Variants in SLC46A2 observed in about 807,000 individuals in gnomAD.
The protein encoded by SLC46A2 is thymic stromal co-transporter.
SLC46A2 carries 25 observed loss-of-function variants against 33.1 expected under a neutral mutation model. The observed-to-expected ratio is 0.76, with a 90% CI of 0.55 to 1.06. The LOEUF (loss-of-function observed/expected upper bound fraction) is 1.06, where lower values mean the gene tolerates loss of function less well. SLC46A2 is among the 50% of genes least tolerant of loss of function. The pLI, the probability that SLC46A2 is intolerant of heterozygous loss-of-function variation, is 0.00. For synonymous variants in SLC46A2, 254 were observed against 275.9 expected, an observed-to-expected ratio of 0.92 and a Z score of 0.79; for missense variants, 622 against 621.7, an observed-to-expected ratio of 1.00 and a Z score of 0.00.
intron 1 of SLC46A2, among the ~76,000 whole-genome samples, chr9:112,888,959 C>T (rs1841685128): frequency 6.6e-6 from 1 of 151,098 alleles, no homozygotes; most frequent in African/African-American, 2.4e-5. Context: ...GGCACAATCT[C>T]GGCTCACTAC....
intron 3 of SLC46A2, among the ~76,000 whole-genome samples, chr9:112,883,734 G>A (rs1438598830): frequency 1.5e-5 from 2 of 135,676 alleles, no homozygotes; most frequent in Non-Finnish European, 3.1e-5. Context: ...GTCTAGCTCT[G>A]TCACCCAGGC....
At chr9:112,883,341 T>TA (rs2131541420) in intron 3 of SLC46A2, among the ~76,000 whole-genome samples, 1 of 152,238 alleles carries the variant, frequency 6.6e-6, no homozygotes, top group Admixed American at 6.5e-5. Context: ...CGCACCCAGA[T>TA]ACCAGGTGCA....
At chr9:112,881,226 C>T (rs1841573159) in intron 3 of SLC46A2, among the ~76,000 whole-genome samples, 1 of 152,206 alleles carries the variant, frequency 6.6e-6, no homozygotes, top group Admixed American at 6.5e-5. Flanking sequence ...GCTCCAGAAT[C>T]CTCAGGTTCT....
Position 112,879,168 on chromosome 9 carries a change from A to T in SLC46A2, c.*594T>A, listed in dbSNP as rs1841548530. The stretch of plus-strand genomic sequence containing the variant: ...CCCAGAAGACAAGGGCCTGAGCTCC[A>T]TCCCCCTCCTGAGTGTTTGTAGGTA... On this transcript the variant is annotated 3_prime_UTR_variant, in exon 4 of 4. Coordinates refer to ENST00000374228, the MANE Select transcript of SLC46A2 (RefSeq NM_033051.4). 6.6e-6 allele frequency: 1 copy of T among 152,260 alleles called. No homozygotes were observed. Among genetic ancestry groups the T allele is most frequent in the African/African-American group, 2.4e-5 (1 of 41,468 alleles). 9.4% of individuals were successfully genotyped at this position (152,260 alleles called of 1,614,324 possible).
chr9:112,879,606 C>G lies in SLC46A2; in HGVS notation c.*156G>C. The G allele has an allele frequency of 1.6e-6, 1 of 622,956 alleles. No homozygotes were observed. Among genetic ancestry groups the G allele is most frequent in the East Asian group, 2.7e-5 (1 of 37,226 alleles). 38.6% of individuals were successfully genotyped at this position (622,956 alleles called of 1,614,324 possible). On this transcript the variant is annotated 3_prime_UTR_variant, in exon 4 of 4. Coordinates refer to ENST00000374228, the MANE Select transcript of SLC46A2 (RefSeq NM_033051.4). ...GTGCTTTTCCCCATCCACCAGGGAT[C>G]CCTGAGCCAGAGCAGGTCATTCTGA...
rs759609861 is a variant in SLC46A2, at chr9:112,890,619, C to G, written c.63G>C (p.Trp21Cys). 6.2e-7 allele frequency: 1 copy of G among 1,605,854 alleles called. No individual in the cohort carries two copies. Among genetic ancestry groups the G allele is most frequent in the South Asian group, 1.1e-5 (1 of 91,044 alleles). The change falls in exon 1 of 4, where the codon TGG becomes TGC. Residue 21 changes from tryptophan to cysteine, a missense_variant. By Grantham distance (215) the Trp-to-Cys change is radical. Transcript: ENST00000374228. This position sits in a 1 kb window ranked among gnomAD's most constrained non-coding sequence, Gnocchi z 6.0. Reference protein sequence around the residue: ...GHLPRFHPRTWVEPVVASSQV... With the variant: ...GHLPRFHPRTCVEPVVASSQV... ...GGGACGAGGCCACCACGGGCTCAAC[C>G]CAGGTCCTCGGGTGGAAGCGAGGCA...
chr9:112,886,176 A>G (rs1173457497), intron 3 of SLC46A2, among the ~76,000 whole-genome samples: 1 of 152,176 alleles, frequency 6.6e-6, no homozygotes, highest in East Asian at 1.9e-4. Flanking sequence ...AATTATAAGG[A>G]AGTATACGGA....
chr9:112,886,768 A>G (rs1841647806), intron 2 of SLC46A2, 152 bp from the exon 3 acceptor site: 1 of 838,898 alleles, frequency 1.2e-6, no homozygotes, highest in South Asian at 1.9e-5. Context: ...TCTGTTGCCC[A>G]GGCTGGAGTG....
Position 112,889,751 on chromosome 9 carries a change from C to A in SLC46A2, c.931G>T (p.Glu311Ter). 1 of 1,614,104 alleles carries A rather than the reference C, an allele frequency of 6.2e-7. No individual in the cohort carries two copies. Among genetic ancestry groups the A allele is most frequent in the Non-Finnish European group, 8.5e-7 (1 of 1,180,022 alleles). The change falls in exon 1 of 4, where the codon GAG becomes TAG. Residue 311 changes from glutamate (E) to a stop codon, truncating the protein, a stop_gained. Coordinates refer to ENST00000374228, the MANE Select transcript of SLC46A2 (RefSeq NM_033051.4). LOFTEE classifies it high-confidence loss of function. ...VDVIPLFVLR[E>*]PLGWNQVQVG... ...TGCACTTGGTTCCAACCGAGAGGCT[C>A]CCTCAGCACAAAAAGAGGGATCACG...
chr9:112,889,837 G>A lies in SLC46A2; in HGVS notation c.845C>T (p.Thr282Ile). The change falls in exon 1 of 4, where the codon ACC (threonine) becomes ATC (isoleucine). Residue 282 changes from threonine to isoleucine, a missense_variant. Coordinates refer to ENST00000374228, the MANE Select transcript of SLC46A2 (RefSeq NM_033051.4). ...SPGKAKPHKTTIALLFVGAII... is the reference protein window; with the variant it reads ...SPGKAKPHKTIIALLFVGAII... ...AGCACCCACAAAGAGCAAGGCAATG[G>A]TGGTTTTATGGGGTTTTGCTTTTCC... is the stretch of plus-strand genomic sequence containing the variant. The A allele has an allele frequency of 6.2e-7, 1 of 1,614,232 alleles. No individual in the cohort carries two copies. Among genetic ancestry groups the A allele is most frequent in the Non-Finnish European group, 8.5e-7 (1 of 1,180,050 alleles).
At position 112,886,445 on chromosome 9, in the gene SLC46A2, C is replaced by A; in HGVS notation, c.1370+15G>T. The A allele has an allele frequency of 6.2e-7, 1 of 1,613,828 alleles. No homozygotes were observed. On this transcript the variant is annotated intron_variant, in intron 3 of 3. Coordinates refer to ENST00000374228, the MANE Select transcript of SLC46A2 (RefSeq NM_033051.4). ...AGGGTCCCAGCCCAAGCAGCAGATG[C>A]TGCTCCCATCCTACCTAATTGGAAT...
chr9:112,879,877 AAC>A (rs1841556783), intron 3 of SLC46A2, 58 bp from the exon 4 acceptor site: 42 of 1,488,496 alleles, frequency 2.8e-5, no homozygotes, highest in Non-Finnish European at 3.9e-5. Flanking sequence ...GTAAAGGTGA[AAC>A]TGCCCTCACA....
chr9:112,889,619 T>A lies in SLC46A2; in HGVS notation c.1063A>T (p.Met355Leu), dbSNP rs746235984. 3 of 1,613,922 alleles carry A rather than the reference T, an allele frequency of 1.9e-6. No homozygotes were observed. The highest frequency in any genetic ancestry group is 1.7e-6 in the Non-Finnish European group (2 of 1,179,998). Residue 355 changes from methionine to leucine, a missense_variant, in exon 1 of 4, where the codon ATG becomes TTG. By Grantham distance (15) the Met-to-Leu change is conservative (BLOSUM62 2). Coordinates refer to ENST00000374228, the MANE Select transcript of SLC46A2 (RefSeq NM_033051.4). Reference sequence around the variant, plus strand: ...AGGGCTCCTGACCCAAAGGAGACCATCCCAATCATGATCATGGTGGTGTCC... The same window carrying A: ...AGGGCTCCTGACCCAAAGGAGACCAACCCAATCATGATCATGGTGGTGTCC... ...FRDTTMIMIG[M>L]VSFGSGALLL...
chr9:112,883,537 TAAAG>T (rs1351994777), intron 3 of SLC46A2, among the ~76,000 whole-genome samples: 1 of 151,854 alleles, frequency 6.6e-6, no homozygotes, highest in East Asian at 1.9e-4. Context: ...AAATATGAAA[TAAAG>T]TAGTGCCTGG....
At chr9:112,883,678 CT>C in intron 3 of SLC46A2, among the ~76,000 whole-genome samples, 1 of 143,288 alleles carries the variant, frequency 7.0e-6, no homozygotes, top group Non-Finnish European at 1.5e-5. Context: ...CTTCTCTTTT[CT>C]GTTTTTTTCT....
In SLC46A2 at chr9:112,890,220, G is replaced by A; in HGVS notation, c.462C>T (p.Ser154=). 1.9e-6 allele frequency: 3 copies of A among 1,613,082 alleles called. No individual in the cohort carries two copies. The highest frequency in any genetic ancestry group is 2.5e-6 in the Non-Finnish European group (3 of 1,179,890). The change falls in exon 1 of 4, where the codon TCC becomes TCT. Residue 154 remains serine, a synonymous_variant. Transcript: ENST00000374228. This position sits in a 1 kb window ranked among gnomAD's most constrained non-coding sequence, Gnocchi z 6.0. ...CCAGCGATCCCAGCGCCATGACCCC[G>A]GACCAGAAGGCGGAGAAGCCGCCGA... is the stretch of plus-strand genomic sequence containing the variant. ...GLFGGFSAFW[S]GVMALGSLGS...
rs183788604 is a variant in SLC46A2, at chr9:112,890,193, G to A, written c.489C>T (p.Gly163=). 2.2e-5 allele frequency: 35 copies of A among 1,612,970 alleles called. No individual in the cohort carries two copies. In the East Asian group the frequency reaches 7.6e-4, roughly 35 times the overall value. ...GCACAGAGCGGCGGCCCTCGGAGGA[G>A]CCCAGCGATCCCAGCGCCATGACCC... The part of the protein sequence containing the change: ...WSGVMALGSL[G]SSEGRRSVRL... The change falls in exon 1 of 4, where the codon GGC becomes GGT. Residue 163 remains glycine (G), a synonymous_variant. Coordinates refer to ENST00000374228, the MANE Select transcript of SLC46A2 (RefSeq NM_033051.4). This position sits in a 1 kb window ranked among gnomAD's most constrained non-coding sequence, Gnocchi z 6.0.
intron 1 of SLC46A2, among the ~76,000 whole-genome samples, chr9:112,888,095 T>C (rs1047966333): frequency 8.5e-5 from 13 of 152,216 alleles, no homozygotes; most frequent in Admixed American, 8.5e-4. Context: ...CTGAACAACA[T>C]GGTGAAACCC....
At chr9:112,886,062 C>T (rs762724282) in intron 3 of SLC46A2, among the ~76,000 whole-genome samples, 8 of 152,106 alleles carry the variant, frequency 5.3e-5, no homozygotes, top group Admixed American at 2.0e-4. Flanking sequence ...TGTGAGGGCA[C>T]GGGGAAGAAA....
Sources: gnomAD v4.1 joint callset for allele counts (sites outside exome capture counted in the v4.1 genomes callset) on GRCh38, gnomAD v4.1.1 for gene constraint, Gnocchi (gnomAD v3.1) non-coding constraint, MANE v1.5 for transcripts, NCBI Gene and HGNC (gene_info 2026-07-23, HGNC 2026-07-21) for gene names.